The following SYN3 variants were observed in gnomAD, a reference collection of about 807,000 sequenced individuals.
The protein encoded by SYN3 is synapsin III, also known as synapsin-3.
SYN3 carries 35 observed loss-of-function variants against 65.8 expected under a neutral mutation model. The observed-to-expected ratio is 0.53, with a 90% CI of 0.41 to 0.70. The LOEUF (loss-of-function observed/expected upper bound fraction) is 0.70, where lower values mean the gene tolerates loss of function less well. Ranked by LOEUF, SYN3 falls within the 30% of genes least tolerant of loss-of-function variation. SYN3 has a pLI of 0.00. For missense variants in SYN3, 680 were observed against 749.0 expected (o/e 0.91, Z 1.08); for synonymous variants, 270 against 292.9 (o/e 0.92, Z 0.80).
At chr22:32,968,781 C>T (rs918903861) in intron 3 of SYN3, among the ~76,000 whole-genome samples, 1 of 152,336 alleles carries the variant, frequency 6.6e-6, no homozygotes, top group African/African-American at 2.4e-5. Flanking sequence ...CAAATCTCTA[C>T]GATAGAGAGA....
chr22:32,924,203 G>A (rs761126458), intron 4 of SYN3, among the ~76,000 whole-genome samples: 7 of 152,092 alleles, frequency 4.6e-5, no homozygotes, highest in Non-Finnish European at 7.4e-5. Context: ...GTATATACTC[G>A]GTAATGGGAT....
At chr22:32,657,099 C>A (rs1314041171) in intron 6 of SYN3, among the ~76,000 whole-genome samples, 1 of 152,068 alleles carries the variant, frequency 6.6e-6, no homozygotes, top group African/African-American at 2.4e-5. Flanking sequence ...CTGCATTTGC[C>A]CTCCTGAGCC....
At chr22:32,919,333 GC>G (rs1340163562) in intron 4 of SYN3, among the ~76,000 whole-genome samples, 1 of 152,104 alleles carries the variant, frequency 6.6e-6, no homozygotes, top group Admixed American at 6.5e-5. Flanking sequence ...CTCATGACCT[GC>G]CCTTAGCCCA....
intron 6 of SYN3, among the ~76,000 whole-genome samples, chr22:32,785,336 C>T (rs567129151): frequency 6.4e-4 from 98 of 152,254 alleles, no homozygotes; most frequent in Non-Finnish European, 9.8e-4. Flanking sequence ...GAAGTTGACA[C>T]CATGCTTCCG....
At chr22:32,880,210 G>C (rs1012713710) in intron 4 of SYN3, among the ~76,000 whole-genome samples, 1 of 152,186 alleles carries the variant, frequency 6.6e-6, no homozygotes, top group Non-Finnish European at 1.5e-5. Flanking sequence ...ATTTCAACAT[G>C]ATCTCATAGC....
At chr22:32,857,881 G>A in intron 6 of SYN3, 1 of 1,330,404 alleles carries the variant, frequency 7.5e-7, no homozygotes, top group Non-Finnish European at 1.1e-6. Context: ...GTTGGGTAGG[G>A]TGAAATAAAA....
chr22:32,541,880 G>A (rs577411275), intron 7 of SYN3, among the ~76,000 whole-genome samples, 167 bp from the exon 8 acceptor site: 9 of 152,284 alleles, frequency 5.9e-5, no homozygotes, highest in African/African-American at 9.6e-5. Context: ...CACACCGCAC[G>A]AGCTGCAGAG....
chr22:32,995,545 G>A (rs2052853548), intron 2 of SYN3, among the ~76,000 whole-genome samples: 1 of 152,106 alleles, frequency 6.6e-6, no homozygotes, highest in African/African-American at 2.4e-5. Flanking sequence ...CCTCCACGTG[G>A]CACAGGTGGA....
At chr22:33,025,433 C>CAAAAAA (rs33919912) in intron 1 of SYN3, among the ~76,000 whole-genome samples, 29 of 78,726 alleles carry the variant, frequency 3.7e-4, no homozygotes, top group Non-Finnish European at 5.5e-4. Context: ...GACTCCGTCT[C>CAAAAAA]AAAAAAAAAA....
At chr22:32,719,656 AAC>A (rs1275161161) in intron 6 of SYN3, among the ~76,000 whole-genome samples, 2 of 152,178 alleles carry the variant, frequency 1.3e-5, no homozygotes, top group Non-Finnish European at 2.9e-5. Flanking sequence ...CAGTCTGAGC[AAC>A]ACAGTGAGAC....
At chr22:32,905,603 T>C (rs1305117836) in intron 4 of SYN3, among the ~76,000 whole-genome samples, 1 of 152,252 alleles carries the variant, frequency 6.6e-6, no homozygotes, top group Non-Finnish European at 1.5e-5. Context: ...GAGGGCATGA[T>C]TCTATCTGGT....
intron 6 of SYN3, among the ~76,000 whole-genome samples, chr22:32,728,769 T>C (rs939566043): frequency 6.6e-6 from 1 of 152,192 alleles, no homozygotes; most frequent in African/African-American, 2.4e-5. Flanking sequence ...TGCCTCCAAA[T>C]TGTCCCACTA....
chr22:33,008,956 AAAAAAAAGAGAGAG>A (rs1278100163), intron 1 of SYN3, among the ~76,000 whole-genome samples: 1 of 140,348 alleles, frequency 7.1e-6, no homozygotes, highest in African/African-American at 2.8e-5. Flanking sequence ...AAAAAAAAAA[AAAAAAAAGAGAGAG>A]AGAGAAAAGA....
At chr22:32,824,586 T>A (rs1175814628) in intron 6 of SYN3, among the ~76,000 whole-genome samples, 1 of 152,122 alleles carries the variant, frequency 6.6e-6, no homozygotes, top group Admixed American at 6.5e-5. Flanking sequence ...TTAAATAATA[T>A]ATATATGTCA....
intron 3 of SYN3, among the ~76,000 whole-genome samples, chr22:32,938,325 A>G (rs1024236641): frequency 1.3e-5 from 2 of 151,022 alleles, no homozygotes; most frequent in African/African-American, 4.9e-5. Flanking sequence ...TCAGGAGATC[A>G]AGACCATCCT....
chr22:32,738,064 C>T (rs1228767940), intron 6 of SYN3, among the ~76,000 whole-genome samples: 2 of 152,148 alleles, frequency 1.3e-5, no homozygotes, highest in Non-Finnish European at 2.9e-5. Context: ...GGTAGTAATA[C>T]GGTCATCATA....
intron 2 of SYN3, among the ~76,000 whole-genome samples, chr22:33,000,920 G>T (rs559837590): frequency 8.7e-4 from 132 of 152,266 alleles, no homozygotes; most frequent in African/African-American, 3.0e-3. Flanking sequence ...GCATTTTTCC[G>T]GGATTCTTCA....
At chr22:32,619,384 C>G (rs972314242) in intron 6 of SYN3, among the ~76,000 whole-genome samples, 1 of 152,156 alleles carries the variant, frequency 6.6e-6, no homozygotes, top group African/African-American at 2.4e-5. Flanking sequence ...CATAGGAGTT[C>G]CACCCCTGTT....
chr22:32,925,860 G>A (rs1273944162), intron 4 of SYN3, among the ~76,000 whole-genome samples: 1 of 85,754 alleles, frequency 1.2e-5, no homozygotes, highest in Non-Finnish European at 2.2e-5. Context: ...CAATGGGATA[G>A]TTGTTCTTTT....
Sources: gnomAD v4.1 joint callset for allele counts (sites outside exome capture counted in the v4.1 genomes callset) on GRCh38, gnomAD v4.1.1 for gene constraint, MANE v1.5 for transcripts, NCBI Gene and HGNC (gene_info 2026-07-23, HGNC 2026-07-21) for gene names.